Variants in PRKG1 observed in about 807,000 individuals in gnomAD.
PRKG1 encodes the protein protein kinase cGMP-dependent 1.
PRKG1 carries 35 observed loss-of-function variants against 88.1 expected under a neutral mutation model. The ratio of observed to expected loss-of-function variants is 0.40; its 90% CI spans 0.30 to 0.53. The LOEUF (loss-of-function observed/expected upper bound fraction) is 0.53. Ranked by LOEUF, PRKG1 falls within the 20% of genes least tolerant of loss-of-function variation. The pLI is 0.59. For missense variants in PRKG1, 540 were observed against 839.8 expected (o/e 0.64, Z 4.41); for synonymous variants, 303 against 292.5 (o/e 1.04, Z -0.37).
chr10:51,632,972 T>C (rs1169711720), intron 3 of PRKG1, among the ~76,000 whole-genome samples: 2 of 152,200 alleles, frequency 1.3e-5, no homozygotes, highest in African/African-American at 4.8e-5. Context: ...TTTTTAGAGA[T>C]TATGTCCAAT....
chr10:51,262,184 C>T (rs1263209350), intron 2 of PRKG1, among the ~76,000 whole-genome samples: 5 of 152,000 alleles, frequency 3.3e-5, no homozygotes, highest in Admixed American at 3.3e-4. Context: ...CTGTGCCCGG[C>T]CAGGACTTTC....
intron 4 of PRKG1, among the ~76,000 whole-genome samples, chr10:51,854,887 C>T (rs1359046546): frequency 6.6e-6 from 1 of 151,926 alleles, no homozygotes; most frequent in African/African-American, 2.4e-5. Context: ...AGGACTTGCG[C>T]CCACCAGCAG....
At chr10:51,872,736 A>G (rs1385375296) in intron 4 of PRKG1, among the ~76,000 whole-genome samples, 1 of 152,094 alleles carries the variant, frequency 6.6e-6, no homozygotes, top group Non-Finnish European at 1.5e-5. Context: ...TGTATTCCTC[A>G]CAGCAACTCT....
intron 3 of PRKG1, among the ~76,000 whole-genome samples, chr10:51,736,365 T>G (rs1837280449): frequency 6.6e-6 from 1 of 152,086 alleles, no homozygotes; most frequent in Non-Finnish European, 1.5e-5. Context: ...ATCCTCCCAC[T>G]TCAGCCTCCC....
At chr10:51,192,985 A>G (rs750559973) in intron 2 of PRKG1, among the ~76,000 whole-genome samples, 4 of 152,078 alleles carry the variant, frequency 2.6e-5, no homozygotes, top group African/African-American at 4.8e-5. Context: ...TCATTTTAAT[A>G]TAGCTATTTA....
intron 2 of PRKG1, among the ~76,000 whole-genome samples, chr10:51,336,127 C>A (rs911979980): frequency 6.6e-6 from 1 of 152,026 alleles, no homozygotes; most frequent in Admixed American, 6.6e-5. Flanking sequence ...CCAAGGTGGG[C>A]AGGTCACCTG....
At chr10:51,496,009 A>C (rs1340546323) in intron 3 of PRKG1, among the ~76,000 whole-genome samples, 1 of 152,230 alleles carries the variant, frequency 6.6e-6, no homozygotes, top group Non-Finnish European at 1.5e-5. Flanking sequence ...TAAGTACCTT[A>C]GATTTTTTTA....
intron 1 of PRKG1, among the ~76,000 whole-genome samples, chr10:51,034,809 A>C (rs1843333560): frequency 6.6e-6 from 1 of 151,060 alleles, no homozygotes; most frequent in Admixed American, 6.6e-5. Flanking sequence ...TTTTAGAAAA[A>C]GTTAGAAAAC....
intron 5 of PRKG1, among the ~76,000 whole-genome samples, chr10:51,921,624 G>T (rs189098474): frequency 6.6e-6 from 1 of 152,160 alleles, no homozygotes; most frequent in African/African-American, 2.4e-5. Context: ...TATCATAAAT[G>T]GGTGTTAAAT....
At chr10:51,310,522 G>C (rs1841156874) in intron 2 of PRKG1, among the ~76,000 whole-genome samples, 2 of 152,206 alleles carry the variant, frequency 1.3e-5, no homozygotes, top group Non-Finnish European at 2.9e-5. Context: ...TTCAGGAAGA[G>C]TTCATGGAAG....
chr10:51,316,702 A>G (rs560657649), intron 2 of PRKG1, among the ~76,000 whole-genome samples: 1 of 152,028 alleles, frequency 6.6e-6, no homozygotes, highest in Non-Finnish European at 1.5e-5. Flanking sequence ...ATAAATAAAT[A>G]AATAAATAAA....
chr10:51,748,685 T>C (rs985203573), intron 3 of PRKG1, among the ~76,000 whole-genome samples: 20 of 152,344 alleles, frequency 1.3e-4, no homozygotes, highest in African/African-American at 4.8e-4. Flanking sequence ...ATGAAAATAA[T>C]GCTACAAATC....
intron 3 of PRKG1, among the ~76,000 whole-genome samples, chr10:51,583,046 A>G (rs1394943702): frequency 6.6e-6 from 1 of 152,158 alleles, no homozygotes; most frequent in Non-Finnish European, 1.5e-5. Flanking sequence ...TTGACTTTAC[A>G]TAGTAGTGTA....
intron 7 of PRKG1, among the ~76,000 whole-genome samples, chr10:52,082,886 T>C (rs985759347): frequency 2.6e-5 from 4 of 152,074 alleles, no homozygotes; most frequent in African/African-American, 7.2e-5. Context: ...TAATAATTGA[T>C]GACAAGAAAG....
intron 5 of PRKG1, among the ~76,000 whole-genome samples, chr10:51,954,845 T>A (rs139949395): frequency 1.8e-3 from 270 of 152,294 alleles, no homozygotes; most frequent in Middle Eastern, 3.4e-3. Context: ...ATTCTAAATT[T>A]ACAAAGATGG....
intron 3 of PRKG1, among the ~76,000 whole-genome samples, chr10:51,759,155 A>C (rs922200073): frequency 6.6e-6 from 1 of 152,198 alleles, no homozygotes; most frequent in Non-Finnish European, 1.5e-5. Context: ...TGAAATAAAC[A>C]TACATGTGCA....
chr10:51,154,440 G>A (rs993706174), intron 2 of PRKG1, among the ~76,000 whole-genome samples: 13 of 151,890 alleles, frequency 8.6e-5, no homozygotes, highest in Admixed American at 2.0e-4. Context: ...TGTCATTAGA[G>A]CCAACGTATG....
chr10:51,627,117 C>A (rs549257643), intron 3 of PRKG1, among the ~76,000 whole-genome samples: 1 of 151,998 alleles, frequency 6.6e-6, no homozygotes, highest in African/African-American at 2.4e-5. Context: ...AAAGGAGTCA[C>A]GGTGACTTTC....
chr10:51,117,092 G>A (rs963721538), intron 1 of PRKG1, among the ~76,000 whole-genome samples: 3 of 152,152 alleles, frequency 2.0e-5, no homozygotes, highest in Non-Finnish European at 4.4e-5. Flanking sequence ...CAATTTTGAG[G>A]AAGTAATATT....
Sources: gnomAD v4.1 joint callset for allele counts (sites outside exome capture counted in the v4.1 genomes callset) on GRCh38, gnomAD v4.1.1 for gene constraint, MANE v1.5 for transcripts, NCBI Gene and HGNC (gene_info 2026-07-23, HGNC 2026-07-21) for gene names.